Variants in SLCO1B3 observed in about 807,000 individuals in gnomAD.
SLCO1B3 encodes solute carrier organic anion transporter family member 1B3, also known as liver-specific organic anion transporter 2.
A neutral mutation model predicts 71.8 loss-of-function variants in SLCO1B3; 72 were observed. That is an observed-to-expected ratio of 1.00 (90% CI 0.83 to 1.22). The LOEUF (loss-of-function observed/expected upper bound fraction) is 1.22. Among genes scored for constraint, SLCO1B3 ranks in the 50% most tolerant of loss-of-function variants. The pLI is 0.00. For synonymous variants in SLCO1B3, 298 were observed against 278.4 expected, an observed-to-expected ratio of 1.07 and a Z score of -0.70; for missense variants, 911 against 819.7, an observed-to-expected ratio of 1.11 and a Z score of -1.36.
chr12:20,834,331 G>A (rs1315163675), intron 3 of SLCO1B3, among the ~76,000 whole-genome samples: 1 of 143,450 alleles, frequency 7.0e-6, no homozygotes, highest in East Asian at 2.0e-4. Flanking sequence ...ACATATATAT[G>A]TTGTAAGCTA....
At chr12:20,891,923 A>AT (rs925409648) in intron 13 of SLCO1B3, among the ~76,000 whole-genome samples, 8 of 150,964 alleles carry the variant, frequency 5.3e-5, no homozygotes, top group African/African-American at 1.2e-4. Flanking sequence ...ACCCTATGTT[A>AT]TTTTTTTTCA....
chr12:20,824,666 A>G (rs528254560), intron 3 of SLCO1B3, among the ~76,000 whole-genome samples: 10 of 152,314 alleles, frequency 6.6e-5, no homozygotes, highest in African/African-American at 2.4e-4. Flanking sequence ...GAAACACATA[A>G]TAATAACACA....
At position 20,875,450 on chromosome 12, in the gene SLCO1B3, G is replaced by A. The variant is rs774984457; in HGVS notation, c.943G>A (p.Gly315Arg). The A allele has an allele frequency of 8.1e-6, 13 of 1,597,782 alleles. No individual in the cohort carries two copies. The highest frequency in any genetic ancestry group is 1.1e-5 in the South Asian group (1 of 87,072). The change falls in exon 9 of 16, where the codon GGA becomes AGA. Residue 315 changes from glycine (G) to arginine (R), a missense_variant. Physicochemically the swap from Gly to Arg is moderately radical, Grantham distance 125 (BLOSUM62 -2). Transcript: ENST00000381545. ...RNQTANLTNQ[G>R]KNVTKNVTGF... ...TCAAACAGCTAATTTGACCAACCAA[G>A]GAAAAAATGTTACCAAAAATGTGAC... is the stretch of plus-strand genomic sequence containing the variant.
At chr12:20,856,145 C>T (rs997128137) in intron 4 of SLCO1B3, among the ~76,000 whole-genome samples, 7 of 152,266 alleles carry the variant, frequency 4.6e-5, no homozygotes, top group South Asian at 4.1e-4. Context: ...TTAGTTTTAA[C>T]GTTTAATTCA....
intron 4 of SLCO1B3, among the ~76,000 whole-genome samples, chr12:20,857,252 C>T (rs781616743): frequency 7.9e-5 from 12 of 152,084 alleles, no homozygotes; most frequent in Admixed American, 6.5e-4. Context: ...TATCTTTCTA[C>T]GTTATTTCTG....
intron 3 of SLCO1B3, among the ~76,000 whole-genome samples, chr12:20,848,542 T>C (rs541381060): frequency 6.6e-6 from 1 of 152,328 alleles, no homozygotes; most frequent in Admixed American, 6.5e-5. Context: ...ACAAGTGTTA[T>C]AGCAGCTTTA....
At chr12:20,910,986 T>G (rs1866362467) in intron 15 of SLCO1B3, among the ~76,000 whole-genome samples, 1 of 152,072 alleles carries the variant, frequency 6.6e-6, no homozygotes, top group African/African-American at 2.4e-5. Context: ...TGTACCATGT[T>G]GAAAATTAAT....
intron 15 of SLCO1B3, among the ~76,000 whole-genome samples, chr12:20,902,944 A>G (rs952958914): frequency 3.9e-5 from 6 of 151,978 alleles, no homozygotes; most frequent in African/African-American, 1.2e-4. Flanking sequence ...ATTGTGGTAC[A>G]TGCCTGTAAT....
At chr12:20,904,541 G>A (rs1866196453) in intron 15 of SLCO1B3, among the ~76,000 whole-genome samples, 1 of 152,016 alleles carries the variant, frequency 6.6e-6, no homozygotes, top group South Asian at 2.1e-4. Flanking sequence ...CTGAGTGCCT[G>A]CAGCTTTTCC....
intron 13 of SLCO1B3, among the ~76,000 whole-genome samples, chr12:20,892,262 G>A (rs1165291721): frequency 6.6e-6 from 1 of 152,030 alleles, no homozygotes; most frequent in Non-Finnish European, 1.5e-5. Flanking sequence ...TGTTATGTAG[G>A]ATCTAACAGG....
At chr12:20,855,834 A>G (rs1865123579) in intron 4 of SLCO1B3, among the ~76,000 whole-genome samples, 1 of 151,670 alleles carries the variant, frequency 6.6e-6, no homozygotes, top group Non-Finnish European at 1.5e-5. Context: ...TTATTTTACA[A>G]ACTGCTAGCT....
chr12:20,870,945 A>G (rs1044859544), intron 8 of SLCO1B3, among the ~76,000 whole-genome samples: 5 of 152,176 alleles, frequency 3.3e-5, no homozygotes, highest in African/African-American at 1.2e-4. Flanking sequence ...TGAAATGATC[A>G]TATGATTTTT....
At chr12:20,817,539 T>C (rs904658507) in intron 3 of SLCO1B3, among the ~76,000 whole-genome samples, 2 of 152,178 alleles carry the variant, frequency 1.3e-5, no homozygotes, top group Non-Finnish European at 2.9e-5. Flanking sequence ...CATTGGTCTA[T>C]GTGTCTGTTT....
At chr12:20,857,235 G>A (rs1336662584) in intron 4 of SLCO1B3, among the ~76,000 whole-genome samples, 1 of 151,808 alleles carries the variant, frequency 6.6e-6, no homozygotes, top group Admixed American at 6.6e-5. Context: ...GCATGTATCC[G>A]AGACTCTATC....
intron 13 of SLCO1B3, among the ~76,000 whole-genome samples, chr12:20,884,607 C>A (rs961452125): frequency 6.6e-6 from 1 of 151,804 alleles, no homozygotes; most frequent in Non-Finnish European, 1.5e-5. Flanking sequence ...CCCTACTGGC[C>A]AAAATAAGCA....
intron 14 of SLCO1B3, among the ~76,000 whole-genome samples, chr12:20,899,019 G>A (rs1465683846): frequency 6.6e-6 from 1 of 152,086 alleles, no homozygotes; most frequent in African/African-American, 2.4e-5. Context: ...AATGCAAAAG[G>A]GAATGAAAAT....
At chr12:20,878,210 T>C (rs1865622098) in intron 10 of SLCO1B3, among the ~76,000 whole-genome samples, 7 of 152,048 alleles carry the variant, frequency 4.6e-5, no homozygotes, top group Admixed American at 2.6e-4. Context: ...GAATAAAACA[T>C]TTAGACGTAG....
Position 20,916,387 on chromosome 12 carries a change from G to C in SLCO1B3, c.*140G>C. On this transcript the variant is annotated 3_prime_UTR_variant, in exon 16 of 16. Transcript: ENST00000381545. ...ACTATAAAAAATGGGAGTACCCATG[G>C]TTAGGATATAGCTATGCCTTTATGG... 2 of 736,162 alleles carry C rather than the reference G, an allele frequency of 2.7e-6. No homozygotes were observed. Among genetic ancestry groups the C allele is most frequent in the South Asian group, 3.8e-5 (2 of 52,376 alleles). 45.6% of individuals were successfully genotyped at this position (736,162 alleles called of 1,614,324 possible).
In SLCO1B3 at chr12:20,855,097, A is replaced by T; in HGVS notation, c.154A>T (p.Ile52Phe). 6.2e-7 allele frequency: 1 copy of T among 1,612,072 alleles called. No homozygotes were observed. Among genetic ancestry groups the T allele is most frequent in the East Asian group, 2.2e-5 (1 of 44,850 alleles). ...AGGTGGAATCATTATGAAAATTTCCATCACTCAAATAGAAAGGAGATTTGA... is the reference window on the plus strand; with the variant it reads ...AGGTGGAATCATTATGAAAATTTCCTTCACTCAAATAGAAAGGAGATTTGA... ...ALGGIIMKIS[I>F]TQIERRFDIS... Residue 52 changes from isoleucine to phenylalanine, a missense_variant, in exon 4 of 16, where the codon ATC becomes TTC. By Grantham distance (21) the Ile-to-Phe change is conservative. Coordinates refer to ENST00000381545, the MANE Select transcript of SLCO1B3 (RefSeq NM_019844.4).
Sources: allele counts gnomAD v4.1 joint callset (sites outside exome capture counted in the v4.1 genomes callset), GRCh38; gene constraint gnomAD v4.1.1; transcripts MANE v1.5; gene names NCBI Gene and HGNC (gene_info 2026-07-23, HGNC 2026-07-21).